The following DLGAP2 variants were observed in gnomAD, a reference collection of about 807,000 sequenced individuals.
DLGAP2 encodes disks large-associated protein 2.
A neutral mutation model predicts 100.3 loss-of-function variants in DLGAP2; 26 were observed. That is an observed-to-expected ratio of 0.26 (90% CI 0.19 to 0.36). The LOEUF is 0.36. Ranked by LOEUF, DLGAP2 falls within the 10% of genes least tolerant of loss-of-function variation. DLGAP2 has a pLI of 1.00. For synonymous variants in DLGAP2, 886 were observed against 630.1 expected (o/e 1.41, Z -6.08); for missense variants, 1,858 against 1,453.2 (o/e 1.28, Z -4.53).
chr8:1,407,486 T>C (rs75772855), intron 3 of DLGAP2, among the ~76,000 whole-genome samples: 1 of 120,754 alleles, frequency 8.3e-6, no homozygotes, highest in Non-Finnish European at 1.8e-5. Flanking sequence ...GGGTAGTGTA[T>C]TGAGTGCTTA....
intron 3 of DLGAP2, among the ~76,000 whole-genome samples, chr8:1,407,539 C>T (rs547916241): frequency 2.9e-4 from 40 of 136,212 alleles, no homozygotes; most frequent in African/African-American, 1.0e-3. Context: ...GTATTGAGTG[C>T]TTACTGAGCG....
chr8:1,039,645 TG>T (rs1802253048), intron 2 of DLGAP2, among the ~76,000 whole-genome samples: 2 of 47,806 alleles, frequency 4.2e-5, no homozygotes, highest in Non-Finnish European at 9.0e-5. Flanking sequence ...TCGGTGTGCG[TG>T]GTCAGCTCGG....
In DLGAP2 at chr8:1,225,229, G is replaced by A. The variant is rs114538592; in HGVS notation, c.74-33622G>A. On this transcript the variant is annotated intron_variant, in intron 2 of 14. Transcript: ENST00000637795. ...AGCACATGCCATATGTACAGACAAC[G>A]GAACATTTCTCAGTTATGAACACGA... Among the ~76,000 whole-genome samples, 939 of 152,298 alleles carry A rather than the reference G, an allele frequency of 6.2e-3. 8 individuals carry two copies. Among genetic ancestry groups the A allele is most frequent in the African/African-American group, 0.022 (912 of 41,560 alleles).
chr8:1,175,852 C>G (rs17746774), intron 2 of DLGAP2, among the ~76,000 whole-genome samples: 16,467 of 152,212 alleles, frequency 0.11, 1,191 homozygotes, highest in Middle Eastern at 0.21. Flanking sequence ...TTACACAAAC[C>G]TAGATTAAAA....
intron 8 of DLGAP2, among the ~76,000 whole-genome samples, chr8:1,639,352 A>G (rs959016471): frequency 2.0e-5 from 3 of 152,176 alleles, no homozygotes; most frequent in Non-Finnish European, 2.9e-5. Flanking sequence ...AGTTCACCAC[A>G]GTGGGAACAG....
At chr8:1,198,626 C>A (rs1200025528) in intron 2 of DLGAP2, among the ~76,000 whole-genome samples, 1 of 152,156 alleles carries the variant, frequency 6.6e-6, no homozygotes, top group Admixed American at 6.5e-5. Context: ...TGGCAGACCC[C>A]AAAAGGCAAG....
At chr8:747,502 C>T (rs984680126) in intron 1 of DLGAP2, among the ~76,000 whole-genome samples, 1 of 120,882 alleles carries the variant, frequency 8.3e-6, no homozygotes, top group Non-Finnish European at 1.7e-5. Context: ...GAGGGGAACG[C>T]GGAGGACACA....
intron 6 of DLGAP2, among the ~76,000 whole-genome samples, chr8:1,623,177 G>T (rs1343305538): frequency 1.3e-5 from 2 of 152,204 alleles, no homozygotes; most frequent in Non-Finnish European, 2.9e-5. Context: ...TGGCTCTGTG[G>T]TCCTATGACT....
chr8:1,274,004 A>G (rs571340924), intron 3 of DLGAP2, among the ~76,000 whole-genome samples: 11 of 152,342 alleles, frequency 7.2e-5, no homozygotes, highest in African/African-American at 2.4e-4. Context: ...ACCATTTTTC[A>G]TATATGAAAG....
At chr8:1,081,445 A>G (rs1803805739) in intron 2 of DLGAP2, among the ~76,000 whole-genome samples, 1 of 152,178 alleles carries the variant, frequency 6.6e-6, no homozygotes, top group African/African-American at 2.4e-5. Context: ...TTCACCTCCC[A>G]GGTTCAAGCG....
chr8:1,320,865 A>G (rs1438276343), intron 3 of DLGAP2, among the ~76,000 whole-genome samples: 1 of 151,926 alleles, frequency 6.6e-6, no homozygotes, highest in Non-Finnish European at 1.5e-5. Context: ...CTGTGTTTGC[A>G]TTCGTGTGTG....
chr8:875,973 A>G (rs1312743964), intron 1 of DLGAP2, among the ~76,000 whole-genome samples: 1 of 152,180 alleles, frequency 6.6e-6, no homozygotes. Flanking sequence ...TAATGTTGCA[A>G]ACGCAACAGC....
intron 1 of DLGAP2, among the ~76,000 whole-genome samples, chr8:797,487 G>A (rs1796060163): frequency 6.6e-6 from 1 of 152,146 alleles, no homozygotes; most frequent in Admixed American, 6.6e-5. Context: ...ATTTGAGGCT[G>A]TTGTGAATGA....
At chr8:780,125 TAC>T (rs1821646261) in intron 1 of DLGAP2, among the ~76,000 whole-genome samples, 1 of 152,208 alleles carries the variant, frequency 6.6e-6, no homozygotes, top group Non-Finnish European at 1.5e-5. Context: ...CCCTTTGACC[TAC>T]ATCTGCCCTT....
intron 7 of DLGAP2, among the ~76,000 whole-genome samples, chr8:1,629,537 G>A (rs1797591832): frequency 6.6e-6 from 1 of 152,138 alleles, no homozygotes; most frequent in Non-Finnish European, 1.5e-5. Flanking sequence ...GATGATATGG[G>A]GAGACACTAA....
At chr8:1,097,070 A>G (rs1421602802) in intron 2 of DLGAP2, among the ~76,000 whole-genome samples, 1 of 140,308 alleles carries the variant, frequency 7.1e-6, no homozygotes, top group Non-Finnish European at 1.5e-5. Flanking sequence ...GGTCCCCTCC[A>G]GTGTGAGACC....
intron 3 of DLGAP2, among the ~76,000 whole-genome samples, chr8:1,264,468 G>T (rs1775432197): frequency 6.6e-6 from 1 of 152,134 alleles, no homozygotes; most frequent in Non-Finnish European, 1.5e-5. Flanking sequence ...AGGATATAAA[G>T]TTACCAATGA....
chr8:990,170 T>C (rs1800616704), intron 2 of DLGAP2, among the ~76,000 whole-genome samples: 1 of 152,068 alleles, frequency 6.6e-6, no homozygotes, highest in Non-Finnish European at 1.5e-5. Context: ...TTGTTTGTAT[T>C]AGTGGTCCAT....
At chr8:862,119 G>T (rs527543326) in intron 1 of DLGAP2, among the ~76,000 whole-genome samples, 1 of 152,018 alleles carries the variant, frequency 6.6e-6, no homozygotes, top group Non-Finnish European at 1.5e-5. Flanking sequence ...GTTTATGGTG[G>T]GGTCTCTTTT....
Sources: allele counts gnomAD v4.1 joint callset (sites outside exome capture counted in the v4.1 genomes callset), GRCh38; gene constraint gnomAD v4.1.1; transcripts MANE v1.5; gene names NCBI Gene and HGNC (gene_info 2026-07-23, HGNC 2026-07-21).